FRAS1: variants seen among roughly 807,000 people sequenced by gnomAD.
The protein encoded by FRAS1 is Fraser extracellular matrix complex subunit 1.
Under a neutral mutation model 435.2 loss-of-function variants are expected in FRAS1, and 290 were observed. That is an observed-to-expected ratio of 0.67 (90% CI 0.61 to 0.73). The LOEUF (loss-of-function observed/expected upper bound fraction) is 0.73. Among genes scored for constraint, FRAS1 ranks in the 30% least tolerant of loss-of-function variants. The probability of loss-of-function intolerance (pLI) is 0.00; values close to 1 mark genes in which losing one functional copy is unlikely to be tolerated. For synonymous variants in FRAS1, 1,800 were observed against 1,851.0 expected, an observed-to-expected ratio of 0.97 and a Z score of 0.71; for missense variants, 4,860 against 5,001.5, an observed-to-expected ratio of 0.97 and a Z score of 0.85.
chr4:78,418,937 A>G lies in FRAS1; in HGVS notation c.4426-12A>G. 6.6e-7 allele frequency: 1 copy of G among 1,523,458 alleles called. No homozygotes were observed. The highest frequency in any genetic ancestry group is 9.0e-7 in the Non-Finnish European group (1 of 1,108,440). 94.4% of individuals were successfully genotyped at this position (1,523,458 alleles called of 1,614,324 possible). On this transcript the variant is annotated splice_polypyrimidine_tract_variant and intron_variant, in intron 32 of 73. Coordinates refer to ENST00000512123, the MANE Select transcript of FRAS1 (RefSeq NM_025074.7). ...TACCATGTGTTCCTCTTCCTTCTTA[A>G]ACTTTGTTTAGGCTAGAGAAGATGG... is the stretch of plus-strand genomic sequence containing the variant.
At chr4:78,095,328 T>C (rs931761097) in intron 2 of FRAS1, among the ~76,000 whole-genome samples, 1 of 152,202 alleles carries the variant, frequency 6.6e-6, no homozygotes, top group African/African-American at 2.4e-5. Context: ...TTTAAGTTGT[T>C]TATCTGGAAA....
At chr4:78,086,464 T>A (rs1354559690) in intron 2 of FRAS1, among the ~76,000 whole-genome samples, 1 of 151,888 alleles carries the variant, frequency 6.6e-6, no homozygotes, top group Non-Finnish European at 1.5e-5. Flanking sequence ...AAAAAACCGT[T>A]CAAAAAATCA....
At chr4:78,113,440 A>C (rs1742883269) in intron 2 of FRAS1, among the ~76,000 whole-genome samples, 1 of 152,140 alleles carries the variant, frequency 6.6e-6, no homozygotes, top group Admixed American at 6.6e-5. Flanking sequence ...TTACAGTCCC[A>C]CCAACAGTGT....
intron 61 of FRAS1, among the ~76,000 whole-genome samples, chr4:78,506,829 C>T (rs1043802904): frequency 6.6e-6 from 1 of 152,142 alleles, no homozygotes; most frequent in Admixed American, 6.5e-5. Context: ...CTGTCTTCTG[C>T]GTCAATCATG....
intron 2 of FRAS1, among the ~76,000 whole-genome samples, chr4:78,169,919 A>C (rs1721481623): frequency 6.6e-6 from 1 of 152,114 alleles, no homozygotes; most frequent in African/African-American, 2.4e-5. Context: ...AACTTCTCCA[A>C]GCCTCAGTTT....
chr4:78,330,006 G>A (rs564901950), intron 18 of FRAS1, among the ~76,000 whole-genome samples: 6,647 of 152,194 alleles, frequency 0.044, 406 homozygotes, highest in African/African-American at 0.14. Context: ...TTGAGAGAAT[G>A]AACAAGCCTT....
At chr4:78,088,382 T>A (rs1255596067) in intron 2 of FRAS1, among the ~76,000 whole-genome samples, 2 of 152,060 alleles carry the variant, frequency 1.3e-5, no homozygotes, top group African/African-American at 4.8e-5. Flanking sequence ...GGACTTCATG[T>A]CTAAAACACC....
intron 19 of FRAS1, among the ~76,000 whole-genome samples, chr4:78,334,002 T>G (rs1017772774): frequency 1.3e-5 from 2 of 152,196 alleles, no homozygotes; most frequent in African/African-American, 4.8e-5. Context: ...TTGCCCAGGC[T>G]AGACATGAAC....
chr4:78,431,660 A>AT (rs1734227190), intron 37 of FRAS1, among the ~76,000 whole-genome samples: 1 of 152,208 alleles, frequency 6.6e-6, no homozygotes, highest in African/African-American at 2.4e-5. Flanking sequence ...GGCATTTCTC[A>AT]TAAAAAGGGT....
At chr4:78,077,980 A>G (rs1740731458) in intron 2 of FRAS1, among the ~76,000 whole-genome samples, 1 of 152,082 alleles carries the variant, frequency 6.6e-6, no homozygotes, top group Non-Finnish European at 1.5e-5. Flanking sequence ...TCCACAAACA[A>G]AAATAATTAA....
intron 47 of FRAS1, among the ~76,000 whole-genome samples, chr4:78,461,533 C>G (rs1178009162): frequency 6.6e-6 from 1 of 152,136 alleles, no homozygotes; most frequent in African/African-American, 2.4e-5. Context: ...TAAAATTCAA[C>G]ATAAATAAGC....
intron 2 of FRAS1, among the ~76,000 whole-genome samples, chr4:78,130,524 C>A (rs932194004): frequency 1.3e-5 from 2 of 152,142 alleles, no homozygotes; most frequent in Admixed American, 1.3e-4. Flanking sequence ...TTTTTCCCCC[C>A]ATTTTTCTTT....
chr4:78,356,590 C>A (rs1477815513), intron 20 of FRAS1, among the ~76,000 whole-genome samples: 2 of 152,068 alleles, frequency 1.3e-5, no homozygotes, highest in Non-Finnish European at 2.9e-5. Flanking sequence ...CCAGCATAAG[C>A]CCCTTGAGAA....
Position 78,057,741 on chromosome 4 carries a change from C to G in FRAS1, c.-269C>G. On this transcript the variant is annotated 5_prime_UTR_variant, in exon 1 of 74. Transcript: ENST00000512123. The surrounding 1 kb of genome is among the most constrained non-coding windows in gnomAD (Gnocchi z 4.2). ...ACTGTGCTCTGCCTCCTCTTATTCT[C>G]CCAAAGCTCACGTTGGCGTCCTGCC... The G allele has an allele frequency of 5.6e-6, 3 of 537,718 alleles. No individual in the cohort carries two copies. The South Asian group carries it at 8.6e-5, about 15-fold the overall frequency. 33.3% of individuals were successfully genotyped at this position (537,718 alleles called of 1,614,324 possible).
chr4:78,218,808 C>T (rs4293813), intron 2 of FRAS1, among the ~76,000 whole-genome samples: 1 of 152,164 alleles, frequency 6.6e-6, no homozygotes, highest in Non-Finnish European at 1.5e-5. Flanking sequence ...GAAGGTGACA[C>T]ATGTAGTTTG....
At chr4:78,452,783 T>C (rs1391808035) in intron 47 of FRAS1, among the ~76,000 whole-genome samples, 1 of 152,192 alleles carries the variant, frequency 6.6e-6, no homozygotes, top group Non-Finnish European at 1.5e-5. Flanking sequence ...ATGAAGATGA[T>C]TGAGATACAG....
chr4:78,407,369 A>C (rs1733142515), intron 30 of FRAS1, among the ~76,000 whole-genome samples: 1 of 152,234 alleles, frequency 6.6e-6, no homozygotes, highest in Admixed American at 6.5e-5. Flanking sequence ...ATTTGCTACT[A>C]TCTGGCTCTC....
At chr4:78,234,442 A>G (rs919353882) in intron 2 of FRAS1, among the ~76,000 whole-genome samples, 17 of 151,932 alleles carry the variant, frequency 1.1e-4, no homozygotes, top group Middle Eastern at 3.4e-3. Context: ...AGCCAGGATG[A>G]TCTCGATCTC....
chr4:78,359,496 A>G (rs1358200709), intron 20 of FRAS1, among the ~76,000 whole-genome samples: 1 of 152,180 alleles, frequency 6.6e-6, no homozygotes, highest in Non-Finnish European at 1.5e-5. Context: ...AATAAAAATC[A>G]GTCAACCAAC....
Sources: allele counts gnomAD v4.1 joint callset (sites outside exome capture counted in the v4.1 genomes callset), GRCh38; gene constraint gnomAD v4.1.1; non-coding constraint Gnocchi (gnomAD v3.1); transcripts MANE v1.5; gene names NCBI Gene and HGNC (gene_info 2026-07-23, HGNC 2026-07-21).